MIR2052HG: variants seen among roughly 807,000 people sequenced by gnomAD.
The protein encoded by MIR2052HG is MIR2052 host gene.
intron 2 of MIR2052HG, among the ~76,000 whole-genome samples, chr8:74,618,490 A>G (rs946313543): frequency 2.6e-5 from 4 of 152,234 alleles, no homozygotes; most frequent in African/African-American, 9.6e-5. Context: ...CTTATAGTAC[A>G]TTAAGAGTAT....
At chr8:74,737,859 C>G (rs775571509) in intron 4 of MIR2052HG, among the ~76,000 whole-genome samples, 2 of 152,092 alleles carry the variant, frequency 1.3e-5, no homozygotes, top group African/African-American at 2.4e-5. Flanking sequence ...TTAGTTTTCT[C>G]CTATTTTATT....
intron 1 of MIR2052HG, among the ~76,000 whole-genome samples, chr8:74,602,575 G>A (rs535063615): frequency 2.7e-5 from 4 of 150,604 alleles, no homozygotes; most frequent in African/African-American, 7.3e-5. Flanking sequence ...GCAGTGGCGC[G>A]ATCTCGGCTC....
chr8:74,652,719 A>G (rs1258690226), intron 2 of MIR2052HG, among the ~76,000 whole-genome samples: 2 of 152,156 alleles, frequency 1.3e-5, no homozygotes, highest in East Asian at 3.9e-4. Flanking sequence ...TATTTCTGAA[A>G]AGTCAAATAG....
intron 2 of MIR2052HG, among the ~76,000 whole-genome samples, chr8:74,655,240 T>C (rs865979583): frequency 2.6e-5 from 4 of 152,144 alleles, no homozygotes; most frequent in Non-Finnish European, 5.9e-5. Flanking sequence ...AAACCCATTT[T>C]TTGAGGAGAA....
At chr8:74,602,998 A>G (rs888981949) in intron 1 of MIR2052HG, among the ~76,000 whole-genome samples, 5 of 149,990 alleles carry the variant, frequency 3.3e-5, no homozygotes, top group Admixed American at 1.3e-4. Context: ...GACAGACAGA[A>G]AAATTCATGA....
At chr8:74,632,041 C>T (rs184539431) in intron 2 of MIR2052HG, among the ~76,000 whole-genome samples, 2 of 152,094 alleles carry the variant, frequency 1.3e-5, no homozygotes, top group African/African-American at 2.4e-5. Flanking sequence ...TAGCAGCCTC[C>T]TTATTTTACT....
chr8:74,695,242 T>C (rs533225834), intron 2 of MIR2052HG, among the ~76,000 whole-genome samples: 172 of 152,282 alleles, frequency 1.1e-3, no homozygotes, highest in Non-Finnish European at 2.0e-3. Flanking sequence ...ATACAATGTT[T>C]TTCAGACAAG....
At chr8:74,711,952 G>C (rs1381825286) in intron 4 of MIR2052HG, among the ~76,000 whole-genome samples, 1 of 152,098 alleles carries the variant, frequency 6.6e-6, no homozygotes, top group Non-Finnish European at 1.5e-5. Flanking sequence ...GAAGCAGATG[G>C]GAGGCTTCTG....
exon 1 of MIR2052HG, chr8:74,599,901 C>A (rs1189164145): frequency 6.0e-6 from 1 of 165,510 alleles, no homozygotes; most frequent in South Asian, 1.8e-4. Flanking sequence ...TAGGACCCTC[C>A]GAGCCAGGTG....
At chr8:74,664,861 GGAC>G (rs1326750337) in intron 2 of MIR2052HG, among the ~76,000 whole-genome samples, 1 of 152,064 alleles carries the variant, frequency 6.6e-6, no homozygotes, top group Non-Finnish European at 1.5e-5. Flanking sequence ...ACAACTTCCT[GGAC>G]TTTGCATCTG....
rs550856566 is a variant in MIR2052HG, at chr8:74,670,530, T to C, written n.217-31849T>C. Among the ~76,000 whole-genome samples the C allele has an allele frequency of 7.2e-5, 11 of 152,250 alleles. No individual in the cohort carries two copies. In the South Asian group the frequency reaches 2.1e-3, roughly 29 times the overall value. On this transcript the variant is annotated intron_variant and non_coding_transcript_variant, in intron 2 of 6. Transcript: ENST00000523442. ...AAGGACTATAAACGATGAAAGATAA[T>C]CAAGCACTAAATTTTGGCAGTTGCT...
intron 2 of MIR2052HG, among the ~76,000 whole-genome samples, chr8:74,686,073 T>C (rs1268214500): frequency 6.6e-6 from 1 of 151,830 alleles, no homozygotes; most frequent in Admixed American, 6.6e-5. Flanking sequence ...GACAGAAGTT[T>C]ATAAGGAAAT....
intron 2 of MIR2052HG, among the ~76,000 whole-genome samples, chr8:74,643,268 C>T (rs546423672): frequency 7.9e-5 from 12 of 152,230 alleles, no homozygotes; most frequent in South Asian, 2.1e-4. Flanking sequence ...TTCAGAATTC[C>T]GTAATTTCTT....
In MIR2052HG at chr8:74,606,034, G is replaced by A. The variant is rs934154916; in HGVS notation, n.128+6126G>A. On this transcript the variant is annotated intron_variant and non_coding_transcript_variant, in intron 1 of 6. Coordinates refer to ENST00000523442, the Ensembl canonical transcript of MIR2052HG. ...TTACACTTTGGTTCAGAAAGGGGAGGTGGGGGGTCTAGTTAAAACAATTTT... is the reference window on the plus strand; with the variant it reads ...TTACACTTTGGTTCAGAAAGGGGAGATGGGGGGTCTAGTTAAAACAATTTT... 3.3e-5 allele frequency among the ~76,000 whole-genome samples: 5 copies of A among 152,304 alleles called. No homozygotes were observed. In the East Asian group the frequency reaches 9.6e-4, roughly 29 times the overall value.
At chr8:74,719,023 C>T (rs1366737028) in intron 4 of MIR2052HG, among the ~76,000 whole-genome samples, 2 of 151,302 alleles carry the variant, frequency 1.3e-5, no homozygotes, top group African/African-American at 4.9e-5. Context: ...AGAAAATTGA[C>T]AACTAGAATT....
At chr8:74,748,957 T>A (rs1809915073) in intron 4 of MIR2052HG, among the ~76,000 whole-genome samples, 1 of 152,192 alleles carries the variant, frequency 6.6e-6, no homozygotes, top group African/African-American at 2.4e-5. Context: ...ACAAAGCTGG[T>A]GGGTCTGCTT....
At chr8:74,652,828 A>G (rs1429125416) in intron 2 of MIR2052HG, among the ~76,000 whole-genome samples, 1 of 152,186 alleles carries the variant, frequency 6.6e-6, no homozygotes, top group Non-Finnish European at 1.5e-5. Context: ...TTGATGATGG[A>G]GTGAGCAGAA....
At chr8:74,617,357 C>T (rs1190837597) in intron 2 of MIR2052HG, among the ~76,000 whole-genome samples, 1 of 151,902 alleles carries the variant, frequency 6.6e-6, no homozygotes, top group Non-Finnish European at 1.5e-5. Context: ...TTTTTCTGTT[C>T]CTGAGTTATT....
At chr8:74,652,485 AT>A (rs1407594553) in intron 2 of MIR2052HG, among the ~76,000 whole-genome samples, 1 of 152,170 alleles carries the variant, frequency 6.6e-6, no homozygotes, top group African/African-American at 2.4e-5. Context: ...GAACTAATTT[AT>A]TACCTCAAAT....
Sources: allele counts gnomAD v4.1 joint callset (sites outside exome capture counted in the v4.1 genomes callset), GRCh38; gene constraint gnomAD v4.1.1; transcripts MANE v1.5; gene names NCBI Gene and HGNC (gene_info 2026-07-23, HGNC 2026-07-21).